Variants in VPS13B observed in about 807,000 individuals in gnomAD.
VPS13B encodes the protein intermembrane lipid transfer protein VPS13B.
In VPS13B, 285 loss-of-function variants were observed where a neutral mutation model predicts 426.4. The observed-to-expected ratio is 0.67, with a 90% CI of 0.61 to 0.74. VPS13B has a LOEUF of 0.74. VPS13B is among the 30% of genes least tolerant of loss of function. VPS13B has a pLI of 0.00. For missense variants in VPS13B, 4,537 were observed against 4,782.6 expected, an observed-to-expected ratio of 0.95 and a Z score of 1.51; for synonymous variants, 1,676 against 1,676.4, an observed-to-expected ratio of 1.00 and a Z score of 0.01.
At chr8:99,812,192 C>G (rs955446370) in intron 44 of VPS13B, among the ~76,000 whole-genome samples, 20 of 152,188 alleles carry the variant, frequency 1.3e-4, no homozygotes, top group African/African-American at 4.1e-4. Flanking sequence ...CAGATACACA[C>G]ACCCACAAGC....
At chr8:99,447,824 T>C (rs920221843) in intron 23 of VPS13B, among the ~76,000 whole-genome samples, 7 of 152,146 alleles carry the variant, frequency 4.6e-5, no homozygotes, top group Non-Finnish European at 7.4e-5. Context: ...TTGCTGTAAA[T>C]AGAATTCCTC....
chr8:99,699,704 T>C lies in VPS13B; in HGVS notation c.6226T>C (p.Tyr2076His), dbSNP rs1832190256. The change falls in exon 36 of 62, where the codon TAC becomes CAC. Residue 2076 changes from tyrosine (Y) to histidine (H), a missense_variant. Tyr to His is a moderately conservative substitution (Grantham distance 83). Coordinates refer to ENST00000357162, the MANE Select transcript of VPS13B (RefSeq NM_152564.5). ...GGATGATCTTCCAGTCTCCAAATAT[T>C]ACCGTGGAAAGTTGTCTAAACCCAA... The part of the protein sequence containing the change: ...NKDDLPVSKY[Y>H]RGKLSKPKIH... 1 of 1,614,150 alleles carries C rather than the reference T, an allele frequency of 6.2e-7. No homozygotes were observed. The highest frequency in any genetic ancestry group is 1.3e-5 in the African/African-American group (1 of 75,050).
intron 19 of VPS13B, among the ~76,000 whole-genome samples, chr8:99,356,952 T>C (rs1432386818): frequency 6.6e-6 from 1 of 152,206 alleles, no homozygotes; most frequent in East Asian, 1.9e-4. Flanking sequence ...ATTTTTTTGC[T>C]TTCTGAAATA....
chr8:99,761,423 G>C (rs971437506), intron 39 of VPS13B, among the ~76,000 whole-genome samples: 1 of 152,088 alleles, frequency 6.6e-6, no homozygotes, highest in African/African-American at 2.4e-5. Flanking sequence ...CACATTCATT[G>C]CCCCTAGGCT....
intron 39 of VPS13B, among the ~76,000 whole-genome samples, chr8:99,762,079 G>A (rs897773614): frequency 1.3e-5 from 2 of 151,820 alleles, no homozygotes; most frequent in African/African-American, 4.8e-5. Context: ...CGGGCTGGGT[G>A]CAGTGGCACA....
chr8:99,415,857 G>A (rs1815970631), intron 21 of VPS13B, among the ~76,000 whole-genome samples: 1 of 152,168 alleles, frequency 6.6e-6, no homozygotes, highest in Admixed American at 6.5e-5. Flanking sequence ...GTCGACCCTT[G>A]CTAGGAGGTG....
At chr8:99,835,493 CTGTCTT>C (rs1436746838) in intron 53 of VPS13B, 40 bp from the exon 54 acceptor site, 2 of 1,590,186 alleles carry the variant, frequency 1.3e-6, no homozygotes, top group Non-Finnish European at 1.7e-6. Flanking sequence ...CCCCAAGTCT[CTGTCTT>C]TAAGGGCTAA....
intron 42 of VPS13B, among the ~76,000 whole-genome samples, chr8:99,782,841 G>C (rs1349941764): frequency 6.6e-6 from 1 of 152,100 alleles, no homozygotes; most frequent in Non-Finnish European, 1.5e-5. Context: ...CCATAGTAGA[G>C]AGTATTATGG....
intron 19 of VPS13B, among the ~76,000 whole-genome samples, chr8:99,279,692 A>T (rs1044267744): frequency 1.3e-5 from 2 of 152,098 alleles, no homozygotes; most frequent in Non-Finnish European, 2.9e-5. Context: ...TAAATTTTGG[A>T]GTGTCTGCTA....
At chr8:99,197,551 A>G (rs1351204510) in intron 17 of VPS13B, among the ~76,000 whole-genome samples, 2 of 152,068 alleles carry the variant, frequency 1.3e-5, no homozygotes, top group Non-Finnish European at 2.9e-5. Context: ...GGAATTTATT[A>G]ATTTCTTTTA....
intron 36 of VPS13B, among the ~76,000 whole-genome samples, chr8:99,708,882 C>G (rs541650724): frequency 3.8e-4 from 58 of 151,754 alleles, no homozygotes; most frequent in African/African-American, 1.4e-3. Context: ...CTTTTGCGCT[C>G]TCTATATATG....
intron 39 of VPS13B, among the ~76,000 whole-genome samples, chr8:99,724,377 C>G (rs1329055065): frequency 1.3e-5 from 2 of 152,156 alleles, no homozygotes; most frequent in African/African-American, 4.8e-5. Flanking sequence ...TGGTTCTATA[C>G]TAGAGGCACA....
chr8:99,227,676 G>T (rs895446195), intron 17 of VPS13B, among the ~76,000 whole-genome samples: 2 of 151,932 alleles, frequency 1.3e-5, no homozygotes, highest in African/African-American at 4.8e-5. Flanking sequence ...TTATAATATG[G>T]TTTATTTGTG....
chr8:99,242,042 G>A (rs148220397), intron 17 of VPS13B, among the ~76,000 whole-genome samples: 130 of 152,106 alleles, frequency 8.5e-4, no homozygotes, highest in African/African-American at 2.9e-3. Flanking sequence ...GTGCAATGGC[G>A]TGGTCTCGGC....
intron 39 of VPS13B, among the ~76,000 whole-genome samples, chr8:99,725,402 A>G (rs140191735): frequency 2.6e-5 from 4 of 152,264 alleles, no homozygotes; most frequent in Non-Finnish European, 5.9e-5. Flanking sequence ...ACATTTTCAT[A>G]TGAGCGCAAA....
intron 31 of VPS13B, among the ~76,000 whole-genome samples, chr8:99,560,701 A>G (rs1227241940): frequency 6.6e-6 from 1 of 152,206 alleles, no homozygotes; most frequent in Non-Finnish European, 1.5e-5. Flanking sequence ...TGGGAAGTGA[A>G]TATTTTCATC....
chr8:99,531,367 A>G (rs964008971), intron 30 of VPS13B, among the ~76,000 whole-genome samples: 6 of 152,174 alleles, frequency 3.9e-5, no homozygotes, highest in African/African-American at 7.2e-5. Context: ...AAATATTTAC[A>G]TAGATGTTGT....
chr8:99,810,349 C>G (rs758447675), intron 44 of VPS13B, among the ~76,000 whole-genome samples: 1 of 152,176 alleles, frequency 6.6e-6, no homozygotes, highest in Non-Finnish European at 1.5e-5. Context: ...CTACCCAGAG[C>G]TTTTGTGGGA....
At chr8:99,557,563 T>C (rs1824654276) in intron 31 of VPS13B, among the ~76,000 whole-genome samples, 1 of 152,136 alleles carries the variant, frequency 6.6e-6, no homozygotes, top group Non-Finnish European at 1.5e-5. Context: ...ACTTCGATTG[T>C]TTACACCTCT....
Sources: gnomAD v4.1 joint callset for allele counts (sites outside exome capture counted in the v4.1 genomes callset) on GRCh38, gnomAD v4.1.1 for gene constraint, MANE v1.5 for transcripts, NCBI Gene and HGNC (gene_info 2026-07-23, HGNC 2026-07-21) for gene names.